ALDH5A1: variants seen among roughly 807,000 people sequenced by gnomAD.
The protein encoded by ALDH5A1 is succinate-semialdehyde dehydrogenase, mitochondrial.
ALDH5A1 carries 33 observed loss-of-function variants against 54.7 expected under a neutral mutation model. The ratio of observed to expected loss-of-function variants is 0.60; its 90% CI spans 0.46 to 0.81. The LOEUF is 0.81. Among genes scored for constraint, ALDH5A1 ranks in the 30% least tolerant of loss-of-function variants. The pLI, the probability that ALDH5A1 is intolerant of heterozygous loss-of-function variation, is 0.00. For missense variants in ALDH5A1, 657 were observed against 711.0 expected (o/e 0.92, Z 0.86); for synonymous variants, 294 against 292.7 (o/e 1.00, Z -0.05).
chr6:24,524,012 G>A (rs1228771117), intron 7 of ALDH5A1, among the ~76,000 whole-genome samples: 8 of 136,920 alleles, frequency 5.8e-5, no homozygotes, highest in Non-Finnish European at 1.1e-4. Flanking sequence ...TTGAGACGGC[G>A]TCTCGCTCTG....
chr6:24,522,479 G>A (rs573346305), intron 6 of ALDH5A1, among the ~76,000 whole-genome samples: 3 of 45,122 alleles, frequency 6.6e-5, no homozygotes, highest in South Asian at 5.9e-4. Context: ...CTTTTCTTTC[G>A]TGTGTGTGTG....
At position 24,495,215 on chromosome 6, in the gene ALDH5A1, C is replaced by A. The variant is rs1200016885; in HGVS notation, c.219C>A (p.Ala73=). 4.6e-6 allele frequency: 7 copies of A among 1,509,558 alleles called. No homozygotes were observed. In the Admixed American group the frequency reaches 1.4e-4, roughly 31 times the overall value. The allele number at this position is 1,509,558 out of a possible 1,614,324, so 93.5% of individuals were successfully genotyped here. The stretch of plus-strand genomic sequence containing the variant: ...TGGGCGGCCGCTGGCTCCCGGCCGC[C>A]GCCACCTTCCCCGTGCAAGACCCGG... ...SFVGGRWLPA[A]ATFPVQDPAS... is the part of the protein sequence containing the mutation. The change falls in exon 1 of 10, where the codon GCC becomes GCA. Residue 73 remains alanine (A), a synonymous_variant. Coordinates refer to ENST00000357578, the MANE Select transcript of ALDH5A1 (RefSeq NM_001080.3).
At chr6:24,506,307 G>A (rs1759355410) in intron 4 of ALDH5A1, among the ~76,000 whole-genome samples, 3 of 117,848 alleles carry the variant, frequency 2.5e-5, no homozygotes, top group South Asian at 6.5e-4. Flanking sequence ...AGGCTGGAGT[G>A]CAGGGTCGCA....
chr6:24,503,360 T>A lies in ALDH5A1; in HGVS notation c.536T>A (p.Ile179Asn). Residue 179 changes from isoleucine to asparagine, a missense_variant, in exon 3 of 10, where the codon ATC becomes AAC. Physicochemically the swap from Ile to Asn is moderately radical, Grantham distance 149. This residue lies in a region of ALDH5A1 where 425 missense variants were observed against 516.4 expected (regional missense o/e 0.82). Transcript: ENST00000357578. ...EEARRVYGDI[I>N]HTPAKDRRAL... ...GCCCGCCGTGTTTACGGAGACATTATCCACACCCCGGCAAAGGACAGGCGG... is the reference window on the plus strand; with the variant it reads ...GCCCGCCGTGTTTACGGAGACATTAACCACACCCCGGCAAAGGACAGGCGG... 6.2e-7 allele frequency: 1 copy of A among 1,614,132 alleles called. No individual in the cohort carries two copies. The highest frequency in any genetic ancestry group is 1.1e-5 in the South Asian group (1 of 91,086).
intron 7 of ALDH5A1, among the ~76,000 whole-genome samples, chr6:24,525,133 G>A (rs893985853): frequency 1.3e-5 from 2 of 152,268 alleles, no homozygotes; most frequent in Non-Finnish European, 2.9e-5. Flanking sequence ...CTGTCATAGA[G>A]TGGGTTCTAG....
chr6:24,526,992 ATATATATATATATATAG>A (rs1759824398), intron 7 of ALDH5A1, among the ~76,000 whole-genome samples: 1 of 102,084 alleles, frequency 9.8e-6, no homozygotes, highest in South Asian at 2.9e-4. Flanking sequence ...ATATATATAT[ATATATATATATATATAG>A]TATTGCTAAA....
At position 24,520,457 on chromosome 6, in the gene ALDH5A1, C is replaced by G; in HGVS notation, c.927C>G (p.Gly309=). The stretch of plus-strand genomic sequence containing the variant: ...AAAGGGTCTCTATGGAGCTGGGCGG[C>G]CTTGCTCCATTTATAGTATTTGACA... ...SVKRVSMELG[G]LAPFIVFDSA... is the part of the protein sequence containing the mutation. The change falls in exon 6 of 10, where the codon GGC becomes GGG. Residue 309 remains glycine (G), a synonymous_variant. Transcript: ENST00000357578. 1 of 1,614,178 alleles carries G rather than the reference C, an allele frequency of 6.2e-7. No homozygotes were observed.
In ALDH5A1 at chr6:24,495,024, T is replaced by A. The variant is rs1011665766; in HGVS notation, c.28T>A (p.Cys10Ser). MATCIWLRS[C>S]GARRLGSTFP... ...GGCGACCTGCATTTGGCTGCGGAGC[T>A]GTGGGGCCCGGCGCCTCGGGTCGAC... is the stretch of plus-strand genomic sequence containing the variant. Residue 10 changes from cysteine to serine, a missense_variant, in exon 1 of 10, where the codon TGT (cysteine) becomes AGT (serine). This residue lies in a region of ALDH5A1 where 232 missense variants were observed against 194.6 expected (regional missense o/e 1.19). Transcript: ENST00000357578. The A allele has an allele frequency of 1.5e-6, 2 of 1,341,568 alleles. No homozygotes were observed. Among genetic ancestry groups the A allele is most frequent in the Admixed American group, 2.9e-5 (1 of 34,282 alleles). The allele number at this position is 1,341,568 out of a possible 1,614,324, so 83.1% of individuals were successfully genotyped here. A position where few individuals can be genotyped will look rare whatever the true frequency, so the allele number is the denominator to read the frequency against.
chr6:24,502,999 A>G (rs911168191), intron 2 of ALDH5A1, among the ~76,000 whole-genome samples: 3 of 148,648 alleles, frequency 2.0e-5, no homozygotes, highest in African/African-American at 7.3e-5. Context: ...CAATACTTAG[A>G]AGATATTGAA....
At chr6:24,502,897 G>C (rs1274870619) in intron 2 of ALDH5A1, among the ~76,000 whole-genome samples, 3 of 149,826 alleles carry the variant, frequency 2.0e-5, no homozygotes, top group Non-Finnish European at 4.5e-5. Context: ...TTACTGTTTT[G>C]GTTGTTTTTT....
At chr6:24,528,244 C>A (rs1484819035) in intron 8 of ALDH5A1, 78 bp downstream of exon 8, 18 of 1,563,804 alleles carry the variant, frequency 1.2e-5, no homozygotes, top group Non-Finnish European at 1.6e-5. Context: ...GATTCCTGGG[C>A]TGCTTTGAGG....
chr6:24,503,995 A>T (rs1051906637), intron 3 of ALDH5A1, among the ~76,000 whole-genome samples: 1 of 152,244 alleles, frequency 6.6e-6, no homozygotes, highest in Non-Finnish European at 1.5e-5. Context: ...GCCTTCTACT[A>T]GGTCCCATAT....
chr6:24,511,923 C>A, intron 4 of ALDH5A1: 2 of 567,996 alleles, frequency 3.5e-6, no homozygotes, highest in South Asian at 5.3e-5. Context: ...TTCATATTAT[C>A]AGAGTTGGCT....
intron 7 of ALDH5A1, among the ~76,000 whole-genome samples, chr6:24,524,708 T>A (rs1447721303): frequency 6.6e-6 from 1 of 152,194 alleles, no homozygotes; most frequent in Non-Finnish European, 1.5e-5. Context: ...AGAGGTGACT[T>A]TGGACCTTGG....
In ALDH5A1 at chr6:24,495,273, T is replaced by C; in HGVS notation, c.277T>C (p.Cys93Arg). ...SGAALGMVAD[C>R]GVREARAAVR... ...CGCCGCTCTGGGCATGGTAGCCGAC[T>C]GCGGGGTGCGAGAGGCCCGCGCCGC... Residue 93 changes from cysteine to arginine, a missense_variant, in exon 1 of 10, where the codon TGC becomes CGC. By Grantham distance (180) the Cys-to-Arg change is radical. Around this residue, in one of 2 missense-constraint regions of ALDH5A1, gnomAD observed 232 missense variants for 194.6 expected, o/e 1.19. Coordinates refer to ENST00000357578, the MANE Select transcript of ALDH5A1 (RefSeq NM_001080.3). 2.0e-6 allele frequency: 3 copies of C among 1,532,682 alleles called. No homozygotes were observed. Among genetic ancestry groups the C allele is most frequent in the South Asian group, 2.4e-5 (2 of 83,922 alleles). The allele number at this position is 1,532,682 out of a possible 1,614,324, so 94.9% of individuals were successfully genotyped here. A position where few individuals can be genotyped will look rare whatever the true frequency, so the allele number is the denominator to read the frequency against.
chr6:24,507,026 A>T (rs1036450452), intron 4 of ALDH5A1, among the ~76,000 whole-genome samples: 1 of 152,188 alleles, frequency 6.6e-6, no homozygotes, highest in African/African-American at 2.4e-5. Flanking sequence ...CTTGGCTATG[A>T]ACATTTGTCT....
intron 9 of ALDH5A1, among the ~76,000 whole-genome samples, chr6:24,532,733 CAA>C (rs778276153): frequency 6.6e-6 from 1 of 151,952 alleles, no homozygotes. Flanking sequence ...GCAGAAGATA[CAA>C]AGACATACAA....
chr6:24,504,812 T>G, intron 3 of ALDH5A1, 57 bp from the exon 4 acceptor site: 1 of 1,516,030 alleles, frequency 6.6e-7, no homozygotes, highest in Non-Finnish European at 9.2e-7. Context: ...ATGCCTTCCT[T>G]TGCACTAAGG....
chr6:24,497,944 C>T (rs1317416836), intron 1 of ALDH5A1, among the ~76,000 whole-genome samples: 26 of 152,052 alleles, frequency 1.7e-4, no homozygotes, highest in Non-Finnish European at 1.3e-4. Flanking sequence ...GGTTGTTGCA[C>T]GGATTTAGGT....
Sources: gnomAD v4.1 joint callset for allele counts (sites outside exome capture counted in the v4.1 genomes callset) on GRCh38, gnomAD v4.1.1 for gene constraint, gnomAD v4.1.1 regional missense constraint, MANE v1.5 for transcripts, NCBI Gene and HGNC (gene_info 2026-07-23, HGNC 2026-07-21) for gene names.